The following TBC1D5 variants were observed in gnomAD, a reference collection of about 807,000 sequenced individuals.
TBC1D5 encodes the protein TBC1 domain family member 5, also known as TBC1 domain family, member 5.
Under a neutral mutation model 100.3 loss-of-function variants are expected in TBC1D5, and 75 were observed. The observed-to-expected ratio is 0.75, with a 90% CI of 0.62 to 0.91. TBC1D5 has a LOEUF of 0.91. Among genes scored for constraint, TBC1D5 ranks in the 40% least tolerant of loss-of-function variants. The probability of loss-of-function intolerance (pLI) is 0.00; values close to 1 mark genes in which losing one functional copy is unlikely to be tolerated. For missense variants in TBC1D5, 910 were observed against 942.4 expected, an observed-to-expected ratio of 0.97 and a Z score of 0.45; for synonymous variants, 323 against 325.6, an observed-to-expected ratio of 0.99 and a Z score of 0.09.
At chr3:17,274,301 G>A (rs1279619600) in intron 15 of TBC1D5, among the ~76,000 whole-genome samples, 1 of 152,164 alleles carries the variant, frequency 6.6e-6, no homozygotes, top group African/African-American at 2.4e-5. Flanking sequence ...AATATATGCT[G>A]AAATTTTTTA....
chr3:17,225,490 A>G (rs1267094722), intron 17 of TBC1D5, among the ~76,000 whole-genome samples: 2 of 151,516 alleles, frequency 1.3e-5, no homozygotes, highest in Non-Finnish European at 2.9e-5. Flanking sequence ...AGTACAACAC[A>G]AATAGTACAA....
intron 16 of TBC1D5, among the ~76,000 whole-genome samples, chr3:17,249,426 A>G (rs1274884256): frequency 6.6e-6 from 1 of 152,154 alleles, no homozygotes; most frequent in African/African-American, 2.4e-5. Context: ...TGGTTTGAAT[A>G]TGTTTTCCCT....
At chr3:17,446,211 T>C (rs1260233100) in intron 3 of TBC1D5, among the ~76,000 whole-genome samples, 1 of 152,148 alleles carries the variant, frequency 6.6e-6, no homozygotes, top group African/African-American at 2.4e-5. Flanking sequence ...TTTTAAGTAA[T>C]TTACCCCAAA....
intron 1 of TBC1D5, among the ~76,000 whole-genome samples, chr3:17,657,046 G>A (rs1437074044): frequency 6.6e-6 from 1 of 151,942 alleles, no homozygotes; most frequent in African/African-American, 2.4e-5. Flanking sequence ...ACTTGCCCAA[G>A]GACACACAAG....
At chr3:17,501,175 C>CTGCCATTT (rs1382243944) in intron 3 of TBC1D5, among the ~76,000 whole-genome samples, 2 of 149,216 alleles carry the variant, frequency 1.3e-5, no homozygotes, top group African/African-American at 5.1e-5. Flanking sequence ...TCTATCTAAA[C>CTGCCATTT]TGCCATTTTC....
At chr3:17,658,733 T>A (rs2066349109) in intron 1 of TBC1D5, among the ~76,000 whole-genome samples, 1 of 152,200 alleles carries the variant, frequency 6.6e-6, no homozygotes, top group Non-Finnish European at 1.5e-5. Context: ...CTCAGCTCAC[T>A]GCAACCTCAA....
chr3:17,742,020 G>A, upstream of TBC1D5, among the ~76,000 whole-genome samples: 1 of 152,040 alleles, frequency 6.6e-6, no homozygotes, highest in East Asian at 1.9e-4. Flanking sequence ...GGGCCCAAAT[G>A]AACATGGAAA....
At chr3:17,512,678 A>C (rs1357191126) in intron 2 of TBC1D5, among the ~76,000 whole-genome samples, 1 of 152,212 alleles carries the variant, frequency 6.6e-6, no homozygotes, top group South Asian at 2.1e-4. Flanking sequence ...CGATCTGGGA[A>C]AGGCCCTATC....
Position 17,163,942 on chromosome 3 carries a change from G to A in TBC1D5, c.2095-2686C>T, listed in dbSNP as rs541274596. ...CAAGTACCAAAAGGGCAAGTGATGC[G>A]TTGGCTGACTAATAATGGATCCAGG... On this transcript the variant is annotated intron_variant, in intron 21 of 21. Coordinates refer to ENST00000253692, the Ensembl canonical transcript of TBC1D5. Among the ~76,000 whole-genome samples, 59 of 152,308 alleles carry A rather than the reference G, an allele frequency of 3.9e-4. 1 individual carries two copies. Among genetic ancestry groups the A allele is most frequent in the African/African-American group, 8.4e-4 (35 of 41,568 alleles).
chr3:17,517,022 G>A (rs2095998953), intron 2 of TBC1D5, among the ~76,000 whole-genome samples: 1 of 152,170 alleles, frequency 6.6e-6, no homozygotes, highest in Non-Finnish European at 1.5e-5. Context: ...AACCAGCACA[G>A]AAATGTTTTC....
chr3:17,503,299 A>G (rs2095806691), intron 3 of TBC1D5, among the ~76,000 whole-genome samples: 1 of 149,624 alleles, frequency 6.7e-6, no homozygotes, highest in Non-Finnish European at 1.5e-5. Flanking sequence ...GCTTAGATAG[A>G]CATCACACCT....
At chr3:17,477,261 CT>C (rs1402217641) in intron 3 of TBC1D5, among the ~76,000 whole-genome samples, 1 of 151,896 alleles carries the variant, frequency 6.6e-6, no homozygotes, top group Non-Finnish European at 1.5e-5. Context: ...ATATGTTTAT[CT>C]TTTTACCCAT....
chr3:17,406,751 T>C, intron 4 of TBC1D5: 1 of 493,548 alleles, frequency 2.0e-6, no homozygotes, highest in Non-Finnish European at 3.5e-6. Context: ...GCTACTGAAA[T>C]TCATAATGTC....
intron 2 of TBC1D5, among the ~76,000 whole-genome samples, chr3:17,560,802 T>C (rs558280065): frequency 6.6e-5 from 10 of 151,364 alleles, no homozygotes; most frequent in African/African-American, 1.9e-4. Context: ...GCGTCTGTAA[T>C]CCCAGCTACT....
intron 16 of TBC1D5, among the ~76,000 whole-genome samples, chr3:17,242,096 C>CTTGA (rs1340937089): frequency 9.2e-5 from 14 of 152,166 alleles, no homozygotes; most frequent in African/African-American, 3.1e-4. Flanking sequence ...TTATTGCCCA[C>CTTGA]TTGATGTCTT....
At chr3:17,639,484 T>C (rs990230389) in intron 1 of TBC1D5, among the ~76,000 whole-genome samples, 2 of 151,408 alleles carry the variant, frequency 1.3e-5, no homozygotes, top group African/African-American at 2.4e-5. Flanking sequence ...AAAAAAACTA[T>C]GAATTGTACA....
chr3:17,173,996 T>C (rs148670791), intron 19 of TBC1D5, among the ~76,000 whole-genome samples: 1 of 152,298 alleles, frequency 6.6e-6, no homozygotes, highest in African/African-American at 2.4e-5. Context: ...AAATTCATCA[T>C]GCAACCTCCA....
intron 13 of TBC1D5, among the ~76,000 whole-genome samples, chr3:17,346,701 GCAGTTTC>G (rs2089928322): frequency 6.6e-6 from 1 of 152,090 alleles, no homozygotes; most frequent in Non-Finnish European, 1.5e-5. Flanking sequence ...GCTTTTTAAA[GCAGTTTC>G]CTTTCACGTT....
chr3:17,522,548 T>C (rs1263041402), intron 2 of TBC1D5, among the ~76,000 whole-genome samples: 1 of 151,992 alleles, frequency 6.6e-6, no homozygotes, highest in Non-Finnish European at 1.5e-5. Flanking sequence ...AAGACTTCAA[T>C]GAATACTAAA....
Sources: gnomAD v4.1 joint callset for allele counts (sites outside exome capture counted in the v4.1 genomes callset) on GRCh38, gnomAD v4.1.1 for gene constraint, MANE v1.5 for transcripts, NCBI Gene and HGNC (gene_info 2026-07-23, HGNC 2026-07-21) for gene names.